Variants in SPOCK1 observed in about 807,000 individuals in gnomAD.
The protein encoded by SPOCK1 is SPARC (osteonectin), cwcv and kazal like domains proteoglycan 1, also known as testican-1.
Under a neutral mutation model 55.3 loss-of-function variants are expected in SPOCK1, and 23 were observed. The observed-to-expected ratio is 0.42, with a 90% CI of 0.30 to 0.59. The LOEUF is 0.59. Among genes scored for constraint, SPOCK1 ranks in the 20% least tolerant of loss-of-function variants. The pLI, the probability that SPOCK1 is intolerant of heterozygous loss-of-function variation, is 0.22. For missense variants in SPOCK1, 499 were observed against 552.5 expected (o/e 0.90, Z 0.97); for synonymous variants, 226 against 221.0 (o/e 1.02, Z -0.20).
chr5:137,211,016 A>G, intron 3 of SPOCK1, among the ~76,000 whole-genome samples: 1 of 152,340 alleles, frequency 6.6e-6, no homozygotes, highest in East Asian at 1.9e-4. Flanking sequence ...CACCAGCAGC[A>G]GAGAGACAAG....
chr5:137,476,002 G>T (rs1428660998), intron 2 of SPOCK1, among the ~76,000 whole-genome samples: 1 of 150,492 alleles, frequency 6.6e-6, no homozygotes, highest in Non-Finnish European at 1.5e-5. Context: ...TTCTACCTTG[G>T]GGTAAAATGT....
In SPOCK1 at chr5:137,075,772, C is replaced by A. The variant is rs369865858; in HGVS notation, c.475-7943G>T. Reference sequence around the variant, plus strand: ...GAGAGGAGTGCAGCCCTGACCTGCACGTGCAGGCCCACCCCCAGCAGGCTC... The same window carrying A: ...GAGAGGAGTGCAGCCCTGACCTGCAAGTGCAGGCCCACCCCCAGCAGGCTC... On this transcript the variant is annotated intron_variant, in intron 5 of 10. Coordinates refer to ENST00000394945, the MANE Select transcript of SPOCK1 (RefSeq NM_004598.4). 8.1e-4 allele frequency among the ~76,000 whole-genome samples: 123 copies of A among 152,278 alleles called. 1 individual carries two copies. The South Asian group carries it at 0.025, about 31-fold the overall frequency.
chr5:137,468,706 C>T (rs1753672090), intron 2 of SPOCK1, among the ~76,000 whole-genome samples: 2 of 152,174 alleles, frequency 1.3e-5, no homozygotes, highest in Admixed American at 1.3e-4. Context: ...AATTGAGTGT[C>T]AGCTGAAAGT....
intron 3 of SPOCK1, among the ~76,000 whole-genome samples, chr5:137,221,255 T>C (rs1220924373): frequency 6.6e-6 from 1 of 152,192 alleles, no homozygotes; most frequent in Non-Finnish European, 1.5e-5. Context: ...AAATGACCAA[T>C]GAGTTATAGT....
chr5:137,258,324 G>A (rs966543426), intron 3 of SPOCK1, among the ~76,000 whole-genome samples: 4 of 152,116 alleles, frequency 2.6e-5, no homozygotes, highest in African/African-American at 9.7e-5. Context: ...TGGTTTCTGG[G>A]GCAGAATGAA....
Position 137,206,332 on chromosome 5 carries a change from C to T in SPOCK1, c.232+60678G>A, listed in dbSNP as rs181862468. Among the ~76,000 whole-genome samples the T allele has an allele frequency of 4.6e-5, 7 of 152,352 alleles. No homozygotes were observed. The East Asian group carries it at 5.8e-4, about 13-fold the overall frequency. ...GAGCTTCATGCCCCCAAGGCCATGC[C>T]GGCCTCCTAGGCCACCCACGCTGGG... On this transcript the variant is annotated intron_variant, in intron 3 of 10. Coordinates refer to ENST00000394945, the MANE Select transcript of SPOCK1 (RefSeq NM_004598.4).
chr5:137,456,273 G>A (rs1753367433), intron 2 of SPOCK1, among the ~76,000 whole-genome samples: 1 of 152,142 alleles, frequency 6.6e-6, no homozygotes, highest in South Asian at 2.1e-4. Flanking sequence ...AGTGCTCACA[G>A]CTTTCCTTTG....
intron 2 of SPOCK1, among the ~76,000 whole-genome samples, chr5:137,393,251 A>T (rs1204914065): frequency 6.6e-6 from 1 of 152,126 alleles, no homozygotes; most frequent in Non-Finnish European, 1.5e-5. Flanking sequence ...TCTGCCATTG[A>T]GCCCATCCAT....
intron 2 of SPOCK1, among the ~76,000 whole-genome samples, chr5:137,393,745 T>C (rs1477036711): frequency 2.6e-5 from 4 of 152,224 alleles, no homozygotes; most frequent in Non-Finnish European, 1.5e-5. Context: ...ACAATGTTCT[T>C]AAGAAACAGT....
chr5:137,243,666 G>C (rs1756334716), intron 3 of SPOCK1, among the ~76,000 whole-genome samples: 1 of 152,160 alleles, frequency 6.6e-6, no homozygotes. Context: ...CAGGAAAAAT[G>C]CCATAATTTA....
chr5:137,253,817 C>T (rs1375558804), intron 3 of SPOCK1, among the ~76,000 whole-genome samples: 1 of 152,216 alleles, frequency 6.6e-6, no homozygotes, highest in East Asian at 1.9e-4. Flanking sequence ...CTGTGAGCAA[C>T]CTACAAATAT....
chr5:137,205,411 A>G (rs1309782884), intron 3 of SPOCK1, among the ~76,000 whole-genome samples: 1 of 152,220 alleles, frequency 6.6e-6, no homozygotes, highest in Non-Finnish European at 1.5e-5. Flanking sequence ...TCAAGCAGGG[A>G]CAAGTCAACA....
At chr5:137,385,382 T>C (rs1159389790) in intron 2 of SPOCK1, among the ~76,000 whole-genome samples, 1 of 152,312 alleles carries the variant, frequency 6.6e-6, no homozygotes, top group Non-Finnish European at 1.5e-5. Context: ...TGTGAATCAA[T>C]GTCTAAGCCT....
intron 2 of SPOCK1, among the ~76,000 whole-genome samples, chr5:137,455,040 T>C (rs4309968): frequency 1 from 151,799 of 152,344 alleles, 75,629 homozygotes; most frequent in Middle Eastern, 1. Context: ...AATGGGTAAG[T>C]TTCTCCAGAT....
chr5:137,147,203 G>A (rs17171029), intron 3 of SPOCK1, among the ~76,000 whole-genome samples: 27,862 of 151,964 alleles, frequency 0.18, 3,274 homozygotes, highest in East Asian at 0.38. Context: ...GTAGATGGGT[G>A]TATAGCAGTT....
At chr5:137,488,467 C>T (rs1754106456) in intron 2 of SPOCK1, among the ~76,000 whole-genome samples, 1 of 152,134 alleles carries the variant, frequency 6.6e-6, no homozygotes, top group Non-Finnish European at 1.5e-5. Context: ...TCTGGACTAG[C>T]AGGATGAAAT....
intron 2 of SPOCK1, among the ~76,000 whole-genome samples, chr5:137,437,994 A>C (rs556182681): frequency 1.3e-5 from 2 of 152,316 alleles, no homozygotes; most frequent in African/African-American, 4.8e-5. Flanking sequence ...TATCTCATAT[A>C]AGTAGAATCA....
intron 2 of SPOCK1, among the ~76,000 whole-genome samples, chr5:137,298,867 C>T (rs955718048): frequency 2.6e-5 from 4 of 152,050 alleles, no homozygotes; most frequent in Admixed American, 2.0e-4. Context: ...TAATTTTCAA[C>T]CTACCCATTT....
intron 9 of SPOCK1, among the ~76,000 whole-genome samples, chr5:136,980,431 T>C (rs2126957186): frequency 6.6e-6 from 1 of 152,336 alleles, no homozygotes; most frequent in East Asian, 1.9e-4. Context: ...CACCCAAATC[T>C]CATCTTGAAT....
Sources: gnomAD v4.1 joint callset for allele counts (sites outside exome capture counted in the v4.1 genomes callset) on GRCh38, gnomAD v4.1.1 for gene constraint, MANE v1.5 for transcripts, NCBI Gene and HGNC (gene_info 2026-07-23, HGNC 2026-07-21) for gene names.